Variants in PIK3CB observed in about 807,000 individuals in gnomAD.
PIK3CB encodes phosphatidylinositol 4,5-bisphosphate 3-kinase catalytic subunit beta isoform.
In PIK3CB, 39 loss-of-function variants were observed where a neutral mutation model predicts 136.8. The ratio of observed to expected loss-of-function variants is 0.29; its 90% CI spans 0.22 to 0.37. The LOEUF (loss-of-function observed/expected upper bound fraction) is 0.37. Ranked by LOEUF, PIK3CB falls within the 10% of genes least tolerant of loss-of-function variation. The probability of loss-of-function intolerance (pLI) is 1.00; values close to 1 mark genes in which losing one functional copy is unlikely to be tolerated. For missense variants in PIK3CB, 868 were observed against 1,275.4 expected, an observed-to-expected ratio of 0.68 and a Z score of 4.87; for synonymous variants, 428 against 436.6, an observed-to-expected ratio of 0.98 and a Z score of 0.25.
In PIK3CB at chr3:138,719,883, C is replaced by A. The variant is rs115510705; in HGVS notation, c.1051-5164G>T. Among the ~76,000 whole-genome samples the A allele has an allele frequency of 2.8e-3, 428 of 152,074 alleles. 1 individual carries two copies. Among genetic ancestry groups the A allele is most frequent in the African/African-American group, 8.3e-3 (343 of 41,462 alleles). On this transcript the variant is annotated intron_variant, in intron 8 of 23. Transcript: ENST00000674063. The stretch of plus-strand genomic sequence containing the variant: ...AACTAAATTCATATAAACTCCCAAT[C>A]TGCTCTGCAAACACTGACAAAAAAA...
rs1179132310 is a variant in PIK3CB, at chr3:138,834,841, C to G, written c.-268G>C. 1 of 151,992 alleles carries G rather than the reference C, an allele frequency of 6.6e-6. No homozygotes were observed. Among genetic ancestry groups the G allele is most frequent in the Non-Finnish European group, 1.5e-5 (1 of 68,272 alleles). 9.4% of individuals were successfully genotyped at this position (151,992 alleles called of 1,614,324 possible). A position where few individuals can be genotyped will look rare whatever the true frequency, so the allele number is the denominator to read the frequency against. ...GCCCCGCGCAGCACTACACTCGCCC[C>G]CTCCCCACTGCCATGGCCCGCTCCG... is the stretch of plus-strand genomic sequence containing the variant. On this transcript the variant is annotated 5_prime_UTR_variant, in exon 1 of 24. Transcript: ENST00000674063.
intron 8 of PIK3CB, among the ~76,000 whole-genome samples, chr3:138,717,685 C>G (rs1449227597): frequency 6.6e-6 from 1 of 152,176 alleles, no homozygotes. Flanking sequence ...TCTTCTCCCT[C>G]CTCCCCGCTT....
In PIK3CB at chr3:138,694,875, C is replaced by G. The variant is rs1398597582; in HGVS notation, c.1803G>C (p.Leu601=). The G allele has an allele frequency of 6.2e-7, 1 of 1,609,056 alleles. No individual in the cohort carries two copies. Among genetic ancestry groups the G allele is most frequent in the South Asian group, 1.1e-5 (1 of 90,046 alleles). ...LQALLQIWPK[L]PPREALELLD... is the part of the protein sequence containing the mutation. ...GAAGCTCTAGGGCCTCCCGGGGGGG[C>G]AGTTTAGGCCAAATCTGAAGCAGCG... Residue 601 remains leucine, a synonymous_variant, in exon 14 of 24, where the codon CTG becomes CTC. Transcript: ENST00000674063.
intron 2 of PIK3CB, chr3:138,770,688 TA>T (rs1157053674): frequency 6.6e-6 from 1 of 152,124 alleles, no homozygotes; most frequent in Non-Finnish European, 1.5e-5. Flanking sequence ...TTTTAAAATA[TA>T]AAAGAAAAAA....
At chr3:138,698,439 T>C (rs966703970) in intron 13 of PIK3CB, among the ~76,000 whole-genome samples, 2 of 152,206 alleles carry the variant, frequency 1.3e-5, no homozygotes, top group Non-Finnish European at 2.9e-5. Flanking sequence ...TCAAAACGCA[T>C]ACATTCAGCA....
chr3:138,829,390 A>T (rs931191206), intron 1 of PIK3CB, among the ~76,000 whole-genome samples: 1 of 152,224 alleles, frequency 6.6e-6, no homozygotes, highest in Non-Finnish European at 1.5e-5. Context: ...TGAAAAATAG[A>T]GTAAGAACAG....
chr3:138,722,408 G>A (rs942935459), intron 8 of PIK3CB, among the ~76,000 whole-genome samples: 1 of 151,900 alleles, frequency 6.6e-6, no homozygotes, highest in African/African-American at 2.4e-5. Flanking sequence ...TCTTACTCTC[G>A]ATAATCTTAC....
intron 11 of PIK3CB, among the ~76,000 whole-genome samples, chr3:138,706,875 C>T (rs1325379372): frequency 2.0e-5 from 3 of 152,122 alleles, no homozygotes; most frequent in Non-Finnish European, 2.9e-5. Context: ...AGGCTGGTCT[C>T]GAACTCCCGA....
At chr3:138,765,461 G>A (rs578140153) in intron 2 of PIK3CB, among the ~76,000 whole-genome samples, 132 of 152,138 alleles carry the variant, frequency 8.7e-4, no homozygotes, top group Admixed American at 2.1e-3. Context: ...AACAGCCTCC[G>A]CAAGTGATAC....
rs1443328803 is a variant in PIK3CB at position 138,759,275 on chromosome 3, C to A, written c.69G>T (p.Gln23His). Residue 23 changes from glutamine (Q) to histidine (H), a missense_variant, in exon 3 of 24, where the codon CAG becomes CAT. Physicochemically the swap from Gln to His is conservative, Grantham distance 24 (BLOSUM62 0). This residue lies in a region of PIK3CB where 612 missense variants were observed against 801.1 expected (regional missense o/e 0.76). Transcript: ENST00000674063. The stretch of plus-strand genomic sequence containing the variant: ...CAGGTATGGAGCCATCAGATGCTAT[C>A]TGTGAATCCACCGCCCAGATGTCAA... ...DILDIWAVDSQIASDGSIPVD... is the reference protein window; with the variant it reads ...DILDIWAVDSHIASDGSIPVD... 1 of 1,613,328 alleles carries A rather than the reference C, an allele frequency of 6.2e-7. No homozygotes were observed. The highest frequency in any genetic ancestry group is 1.1e-5 in the South Asian group (1 of 91,020).
chr3:138,738,597 G>A (rs1231255604), intron 5 of PIK3CB, among the ~76,000 whole-genome samples: 1 of 152,168 alleles, frequency 6.6e-6, no homozygotes, highest in East Asian at 1.9e-4. Flanking sequence ...TTAGAGACAT[G>A]TAAATAGAAA....
At chr3:138,743,306 T>C (rs890437875) in intron 4 of PIK3CB, among the ~76,000 whole-genome samples, 7 of 152,162 alleles carry the variant, frequency 4.6e-5, no homozygotes, top group African/African-American at 1.7e-4. Context: ...TTCCTCTCAA[T>C]TTTGCTGTGA....
At chr3:138,716,805 A>G (rs1185289284) in intron 8 of PIK3CB, among the ~76,000 whole-genome samples, 1 of 150,230 alleles carries the variant, frequency 6.7e-6, no homozygotes, top group Non-Finnish European at 1.5e-5. Flanking sequence ...CTGAGGCAGA[A>G]GAATCACTTG....
In PIK3CB at chr3:138,806,744, T is replaced by C. The variant is rs571179477; in HGVS notation, c.-121-10177A>G. Reference sequence around the variant, plus strand: ...TTGTATTAGGAGGATAGTGAGAAAATAGAGATTTCTTGGATGGGAATCACC... The same window carrying C: ...TTGTATTAGGAGGATAGTGAGAAAACAGAGATTTCTTGGATGGGAATCACC... On this transcript the variant is annotated intron_variant, in intron 1 of 23. Transcript: ENST00000674063. Among the ~76,000 whole-genome samples the C allele has an allele frequency of 1.3e-4, 20 of 152,182 alleles. No individual in the cohort carries two copies. In the East Asian group the frequency reaches 2.7e-3, roughly 21 times the overall value.
intron 4 of PIK3CB, among the ~76,000 whole-genome samples, chr3:138,748,815 T>G (rs2045414489): frequency 6.6e-6 from 1 of 152,202 alleles, no homozygotes; most frequent in South Asian, 2.1e-4. Flanking sequence ...AGTGGTATTT[T>G]GTAGTATTAG....
intron 4 of PIK3CB, among the ~76,000 whole-genome samples, chr3:138,744,312 G>C (rs755079797): frequency 2.7e-5 from 4 of 147,860 alleles, no homozygotes; most frequent in Non-Finnish European, 1.5e-5. Flanking sequence ...GGAGAATGGC[G>C]TGAACCCGGG....
intron 8 of PIK3CB, among the ~76,000 whole-genome samples, chr3:138,732,656 A>G (rs960180427): frequency 4.0e-5 from 6 of 151,784 alleles, no homozygotes; most frequent in African/African-American, 1.5e-4. Flanking sequence ...ATAACGTAGT[A>G]ATCTATTTTC....
chr3:138,759,628 T>C (rs900293498), intron 2 of PIK3CB, among the ~76,000 whole-genome samples: 8 of 152,074 alleles, frequency 5.3e-5, no homozygotes, highest in Non-Finnish European at 7.4e-5. Flanking sequence ...ATTATTCTTA[T>C]ATACATATAA....
chr3:138,828,679 G>A (rs923041349), intron 1 of PIK3CB, among the ~76,000 whole-genome samples: 1 of 152,156 alleles, frequency 6.6e-6, no homozygotes, highest in East Asian at 1.9e-4. Flanking sequence ...GATCACTTGA[G>A]ACCAGGAGTT....
Sources: allele counts gnomAD v4.1 joint callset (sites outside exome capture counted in the v4.1 genomes callset), GRCh38; gene constraint gnomAD v4.1.1; regional missense constraint gnomAD v4.1.1; transcripts MANE v1.5; gene names NCBI Gene and HGNC (gene_info 2026-07-23, HGNC 2026-07-21).